Variants in TMEM116 observed in about 807,000 individuals in gnomAD.
TMEM116 encodes transmembrane protein 116.
Under a neutral mutation model 44.3 loss-of-function variants are expected in TMEM116, and 38 were observed. The ratio of observed to expected loss-of-function variants is 0.86; its 90% CI spans 0.66 to 1.12. The LOEUF is 1.12. Among genes scored for constraint, TMEM116 ranks in the 50% most tolerant of loss-of-function variants. TMEM116 has a pLI of 0.00. For synonymous variants in TMEM116, 132 were observed against 144.8 expected, an observed-to-expected ratio of 0.91 and a Z score of 0.64; for missense variants, 354 against 401.7, an observed-to-expected ratio of 0.88 and a Z score of 1.01.
At chr12:111,938,105 G>T in intron 6 of TMEM116, 56 bp downstream of exon 6, 3 of 1,251,152 alleles carry the variant, frequency 2.4e-6, no homozygotes, top group South Asian at 2.8e-5. Context: ...GTTCCCACCT[G>T]AACACCAGAA....
At chr12:111,964,440 C>CAAAAAAAA (rs553179003) in intron 4 of TMEM116, among the ~76,000 whole-genome samples, 1 of 62,130 alleles carries the variant, frequency 1.6e-5, no homozygotes. Flanking sequence ...GACTCCATCT[C>CAAAAAAAA]AAAAAAAAAA....
intron 3 of TMEM116, among the ~76,000 whole-genome samples, chr12:111,998,258 A>G (rs1328016335): frequency 6.6e-6 from 1 of 152,200 alleles, no homozygotes; most frequent in East Asian, 1.9e-4. Flanking sequence ...GAGACAGGGC[A>G]AGTCATTTTG....
intron 4 of TMEM116, among the ~76,000 whole-genome samples, chr12:111,944,807 T>C (rs1405611598): frequency 1.3e-5 from 2 of 152,102 alleles, no homozygotes; most frequent in African/African-American, 4.8e-5. Flanking sequence ...GTTTGCTTTC[T>C]CATCAATCAG....
intron 4 of TMEM116, among the ~76,000 whole-genome samples, chr12:111,976,780 G>C (rs1260306027): frequency 6.6e-6 from 1 of 151,924 alleles, no homozygotes; most frequent in Non-Finnish European, 1.5e-5. Context: ...CTCTTAAAAA[G>C]AATCAAAAGG....
chr12:111,999,863 T>C (rs894146131), intron 3 of TMEM116, among the ~76,000 whole-genome samples: 5 of 152,202 alleles, frequency 3.3e-5, no homozygotes, highest in African/African-American at 9.7e-5. Flanking sequence ...AATGGAACTG[T>C]AAAGATTTTG....
chr12:111,982,599 C>T (rs1245336459), intron 4 of TMEM116, among the ~76,000 whole-genome samples: 1 of 151,980 alleles, frequency 6.6e-6, no homozygotes, highest in Non-Finnish European at 1.5e-5. Context: ...CCGTGCCTGG[C>T]CAATGCATAC....
At chr12:111,993,351 G>T (rs1381056655) in intron 3 of TMEM116, 1 of 522,362 alleles carries the variant, frequency 1.9e-6, no homozygotes, top group East Asian at 5.1e-5. Context: ...TTTGGCTAAA[G>T]GACAGGCTCT....
chr12:111,979,744 T>C (rs1431671633), intron 4 of TMEM116, among the ~76,000 whole-genome samples: 4 of 152,098 alleles, frequency 2.6e-5, no homozygotes, highest in African/African-American at 9.7e-5. Context: ...GTATCCACAA[T>C]ACACAAATAA....
intron 10 of TMEM116, among the ~76,000 whole-genome samples, chr12:111,932,383 C>T (rs917188108): frequency 1.3e-5 from 2 of 152,164 alleles, no homozygotes; most frequent in African/African-American, 4.8e-5. Flanking sequence ...CTCTGGAATG[C>T]ATGGAGGTAC....
At chr12:111,975,982 AGTTTTTTTGTT>A (rs1174643800) in intron 4 of TMEM116, among the ~76,000 whole-genome samples, 1 of 151,986 alleles carries the variant, frequency 6.6e-6, no homozygotes, top group East Asian at 1.9e-4. Flanking sequence ...CCATTTAAGA[AGTTTTTTTGTT>A]TTGTTTTGTT....
chr12:111,942,383 C>CT (rs1489843955), intron 5 of TMEM116, among the ~76,000 whole-genome samples: 1 of 152,298 alleles, frequency 6.6e-6, no homozygotes, highest in East Asian at 1.9e-4. Context: ...TGCCATTCTC[C>CT]TGCCTCAGCC....
In TMEM116 at chr12:111,953,764, G is replaced by A. The variant is rs540988410; in HGVS notation, c.211-10395C>T. Among the ~76,000 whole-genome samples, 26 of 152,106 alleles carry A rather than the reference G, an allele frequency of 1.7e-4. No individual in the cohort carries two copies. In the South Asian group the frequency reaches 4.8e-3, roughly 28 times the overall value. The stretch of plus-strand genomic sequence containing the variant: ...ATATGCCCATCATATTCCCATTGCA[G>A]TGCTTACTTCTGAATAAATTCTATT... On this transcript the variant is annotated intron_variant, in intron 4 of 10. Coordinates refer to ENST00000552374, the MANE Select transcript of TMEM116 (RefSeq NM_001193531.2).
intron 3 of TMEM116, among the ~76,000 whole-genome samples, chr12:111,994,449 C>T (rs563549644): frequency 6.6e-6 from 1 of 152,156 alleles, no homozygotes; most frequent in African/African-American, 2.4e-5. Context: ...AGGGCGTCAC[C>T]GCCTTCTGGT....
intron 8 of TMEM116, chr12:111,936,010 C>T (rs1282266930): frequency 6.6e-6 from 1 of 152,146 alleles, no homozygotes; most frequent in Non-Finnish European, 1.5e-5. Flanking sequence ...ATCTAGTTCA[C>T]AGGTGCTAGT....
At chr12:111,940,964 A>C (rs7133881) in intron 5 of TMEM116, among the ~76,000 whole-genome samples, 29,859 of 152,162 alleles carry the variant, frequency 0.2, 3,151 homozygotes, top group Middle Eastern at 0.27. Flanking sequence ...ATTTACCTAA[A>C]GGGAAAGATA....
At chr12:111,957,676 C>G (rs938519520) in intron 4 of TMEM116, among the ~76,000 whole-genome samples, 4 of 151,224 alleles carry the variant, frequency 2.6e-5, no homozygotes, top group Admixed American at 1.3e-4. Flanking sequence ...TCTGCCTGGC[C>G]GCCGTCCCGT....
At chr12:111,988,122 T>C (rs2076327916) in intron 4 of TMEM116, among the ~76,000 whole-genome samples, 1 of 152,096 alleles carries the variant, frequency 6.6e-6, no homozygotes, top group African/African-American at 2.4e-5. Context: ...CCTAGAGTAG[T>C]TGAATTCATA....
intron 4 of TMEM116, among the ~76,000 whole-genome samples, chr12:111,984,976 A>C (rs1268554352): frequency 2.6e-5 from 4 of 152,146 alleles, no homozygotes; most frequent in African/African-American, 7.2e-5. Context: ...AAACATAATA[A>C]AGTCCATATA....
intron 4 of TMEM116, among the ~76,000 whole-genome samples, chr12:111,977,194 G>A (rs531731901): frequency 1.3e-5 from 2 of 151,980 alleles, no homozygotes; most frequent in Non-Finnish European, 2.9e-5. Flanking sequence ...GAAAACCAAA[G>A]ACAAAGAGAA....
Sources: gnomAD v4.1 joint callset for allele counts (sites outside exome capture counted in the v4.1 genomes callset) on GRCh38, gnomAD v4.1.1 for gene constraint, MANE v1.5 for transcripts, NCBI Gene and HGNC (gene_info 2026-07-23, HGNC 2026-07-21) for gene names.